Variants in GRK7 observed in about 807,000 individuals in gnomAD.
GRK7 encodes the protein G protein-coupled receptor kinase 7.
In GRK7, 24 loss-of-function variants were observed where a neutral mutation model predicts 34.1. The ratio of observed to expected loss-of-function variants is 0.70; its 90% CI spans 0.51 to 0.99. GRK7 has a LOEUF of 0.99. Ranked by LOEUF, GRK7 falls within the 50% of genes least tolerant of loss-of-function variation. The pLI is 0.00. For missense variants in GRK7, 644 were observed against 707.3 expected (o/e 0.91, Z 1.02); for synonymous variants, 256 against 279.4 (o/e 0.92, Z 0.84).
At chr3:141,806,903 A>T (rs943644645) in intron 4 of GRK7, among the ~76,000 whole-genome samples, 2 of 151,884 alleles carry the variant, frequency 1.3e-5, no homozygotes, top group Non-Finnish European at 2.9e-5. Flanking sequence ...ACACACAAGT[A>T]TATATAAATA....
Position 141,817,961 on chromosome 3 carries a change from A to G in GRK7, c.*911A>G, listed in dbSNP as rs2107899749. ...GCTGTGCACATTTGAATGTTATTACATTCAATCTTATTTTGGTTGCTCAAA... is the reference window on the plus strand; with the variant it reads ...GCTGTGCACATTTGAATGTTATTACGTTCAATCTTATTTTGGTTGCTCAAA... On this transcript the variant is annotated 3_prime_UTR_variant, in exon 6 of 6. Transcript: ENST00000682958. 1 of 146,904 alleles carries G rather than the reference A, an allele frequency of 6.8e-6. No homozygotes were observed. Among genetic ancestry groups the G allele is most frequent in the Non-Finnish European group, 1.5e-5 (1 of 65,902 alleles). 9.1% of individuals were successfully genotyped at this position (146,904 alleles called of 1,614,324 possible).
chr3:141,767,822 A>G (rs541380300), intron 1 of GRK7, among the ~76,000 whole-genome samples: 138 of 152,244 alleles, frequency 9.1e-4, no homozygotes, highest in African/African-American at 3.1e-3. Context: ...CACAGGGACA[A>G]TGCTAAGTGA....
chr3:141,795,774 A>G (rs1166729239), intron 4 of GRK7, among the ~76,000 whole-genome samples: 3 of 151,858 alleles, frequency 2.0e-5, no homozygotes, highest in African/African-American at 4.8e-5. Context: ...ACTCTGCTCT[A>G]TGTTAAAAAA....
chr3:141,786,855 A>C (rs1419402253), intron 4 of GRK7, among the ~76,000 whole-genome samples: 10 of 152,068 alleles, frequency 6.6e-5, no homozygotes. Context: ...TGACCTCATC[A>C]CACCTATCCT....
At chr3:141,751,408 G>A in the GRK7 span, among the ~76,000 whole-genome samples, 1 of 152,074 alleles carries the variant, frequency 6.6e-6, no homozygotes, top group Non-Finnish European at 1.5e-5. Context: ...AGAGACTACA[G>A]GGTCTGTTAG....
intron 5 of GRK7, among the ~76,000 whole-genome samples, chr3:141,814,414 C>G (rs1711126183): frequency 6.6e-6 from 1 of 152,122 alleles, no homozygotes; most frequent in African/African-American, 2.4e-5. Context: ...GTCTGCTGTT[C>G]CCATCTTTAT....
rs1393836810 is a variant in GRK7, at chr3:141,818,725, G to GT, written c.*1676dup. ...AATAAAATCTAAATTTATCCCAGTG[G>GT]TAAAAAAAACCTGGCTGAAGTCAGT... is the stretch of plus-strand genomic sequence containing the variant. On this transcript the variant is annotated 3_prime_UTR_variant, in exon 6 of 6. Transcript: ENST00000682958. Among the ~76,000 whole-genome samples, 1 of 152,102 alleles carries GT rather than the reference G, an allele frequency of 6.6e-6. No homozygotes were observed. Among genetic ancestry groups the GT allele is most frequent in the Non-Finnish European group, 1.5e-5 (1 of 68,022 alleles).
At chr3:141,776,807 TC>T (rs11337824) in intron 2 of GRK7, among the ~76,000 whole-genome samples, 10,404 of 152,046 alleles carry the variant, frequency 0.068, 1,204 homozygotes, top group African/African-American at 0.24. Flanking sequence ...TCTCCCTCTC[TC>T]TTTTTTTTGC....
At chr3:141,777,491 A>ATTTTTTTTTTTTTTTTTTTTT (rs530806848) in intron 2 of GRK7, among the ~76,000 whole-genome samples, 165 of 80,490 alleles carry the variant, frequency 2.0e-3, no homozygotes, top group Non-Finnish European at 2.7e-3. Flanking sequence ...AGCCCGGCTA[A>ATTTTTTTTTTTTTTTTTTTTT]TTTTTTTTTT....
chr3:141,757,413 T>C, the GRK7 span, among the ~76,000 whole-genome samples: 1 of 129,116 alleles, frequency 7.7e-6, no homozygotes, highest in African/African-American at 2.9e-5. Context: ...GTTTGGTTTT[T>C]TGTTCTTGCG....
intron 4 of GRK7, among the ~76,000 whole-genome samples, chr3:141,794,426 G>A (rs1048942223): frequency 6.6e-6 from 1 of 152,196 alleles, no homozygotes; most frequent in South Asian, 2.1e-4. Context: ...AGTATCTCTT[G>A]CTTTAGGGGA....
intron 4 of GRK7, among the ~76,000 whole-genome samples, chr3:141,805,481 C>T (rs769378682): frequency 6.6e-6 from 1 of 152,178 alleles, no homozygotes; most frequent in African/African-American, 2.4e-5. Flanking sequence ...AAATGCAAAA[C>T]TGGACAAGAC....
intron 4 of GRK7, among the ~76,000 whole-genome samples, chr3:141,805,457 C>G (rs1385931378): frequency 6.6e-6 from 1 of 152,190 alleles, no homozygotes; most frequent in African/African-American, 2.4e-5. Context: ...CCTACAGGAC[C>G]CTTTTGTCTG....
intron 4 of GRK7, among the ~76,000 whole-genome samples, chr3:141,787,377 A>G (rs1405132324): frequency 6.6e-6 from 1 of 152,146 alleles, no homozygotes; most frequent in Non-Finnish European, 1.5e-5. Context: ...TAATCCCAGC[A>G]GTTTGGGAGG....
chr3:141,778,388 G>T lies in GRK7; in HGVS notation c.104G>T (p.Arg35Leu). The T allele has an allele frequency of 6.2e-7, 1 of 1,611,988 alleles. No homozygotes were observed. Among genetic ancestry groups the T allele is most frequent in the Non-Finnish European group, 8.5e-7 (1 of 1,179,246 alleles). The change falls in exon 3 of 6, where the codon CGT becomes CTT. Residue 35 changes from arginine (R) to leucine (L), a missense_variant. Physicochemically the swap from Arg to Leu is moderately radical, Grantham distance 102. Transcript: ENST00000682958. The surrounding 1 kb of genome is among the most constrained non-coding windows in gnomAD (Gnocchi z 4.1). ...AGCAAAGAGCTGCAGCGGCGGCGGC[G>T]TAGCCTGGCCCTGCCCGGGCTGCAG... ...CDSKELQRRR[R>L]SLALPGLQGC...
chr3:141,779,409 C>CAAAA (rs10626329), intron 3 of GRK7, among the ~76,000 whole-genome samples: 52,647 of 95,456 alleles, frequency 0.55, 13,502 homozygotes, highest in Middle Eastern at 0.62. Context: ...GAGCAAGACT[C>CAAAA]AAAAAAAAAA....
chr3:141,814,729 G>C (rs1408837953), intron 5 of GRK7, among the ~76,000 whole-genome samples: 1 of 151,930 alleles, frequency 6.6e-6, no homozygotes, highest in African/African-American at 2.4e-5. Context: ...TTTCCCTTTG[G>C]GTATGTACAA....
chr3:141,754,713 G>A, the GRK7 span, among the ~76,000 whole-genome samples: 1 of 152,072 alleles, frequency 6.6e-6, no homozygotes, highest in Non-Finnish European at 1.5e-5. Context: ...AGAACAATTG[G>A]GAATGGATGT....
At chr3:141,808,973 C>A (rs1711064410) in intron 5 of GRK7, among the ~76,000 whole-genome samples, 1 of 151,706 alleles carries the variant, frequency 6.6e-6, no homozygotes, top group Admixed American at 6.6e-5. Context: ...GTTGAGGTGG[C>A]AGATCACCTG....
Sources: allele counts gnomAD v4.1 joint callset (sites outside exome capture counted in the v4.1 genomes callset), GRCh38; gene constraint gnomAD v4.1.1; non-coding constraint Gnocchi (gnomAD v3.1); transcripts MANE v1.5; gene names NCBI Gene and HGNC (gene_info 2026-07-23, HGNC 2026-07-21).